The following MYO5B variants were observed in gnomAD, a reference collection of about 807,000 sequenced individuals.
MYO5B encodes unconventional myosin-Vb.
Under a neutral mutation model 229.3 loss-of-function variants are expected in MYO5B, and 143 were observed. That is an observed-to-expected ratio of 0.62 (90% CI 0.54 to 0.72). The LOEUF (loss-of-function observed/expected upper bound fraction) is 0.72. Among genes scored for constraint, MYO5B ranks in the 30% least tolerant of loss-of-function variants. The pLI is 0.00. For missense variants in MYO5B, 2,321 were observed against 2,331.0 expected, an observed-to-expected ratio of 1.00 and a Z score of 0.09; for synonymous variants, 918 against 885.2, an observed-to-expected ratio of 1.04 and a Z score of -0.66.
At chr18:50,074,648 G>A (rs907329929) in intron 1 of MYO5B, among the ~76,000 whole-genome samples, 2 of 152,142 alleles carry the variant, frequency 1.3e-5, no homozygotes, top group Middle Eastern at 3.4e-3. Flanking sequence ...TTGAAACATC[G>A]CCTTCCTTGA....
In MYO5B at chr18:49,830,954, C is replaced by T. The variant is rs1327072365; in HGVS notation, c.5395-4331G>A. ...ACTGGTATACGGACAGACATACAGA[C>T]CAATAGAATATAAGGGCCCAGAAAA... On this transcript the variant is annotated intron_variant, in intron 39 of 39. Transcript: ENST00000285039. Among the ~76,000 whole-genome samples, 8 of 149,172 alleles carry T rather than the reference C, an allele frequency of 5.4e-5. No homozygotes were observed. In the South Asian group the frequency reaches 1.5e-3, roughly 28 times the overall value.
intron 1 of MYO5B, among the ~76,000 whole-genome samples, chr18:50,058,240 T>G (rs1598988221): frequency 1.3e-5 from 2 of 151,774 alleles, no homozygotes; most frequent in Non-Finnish European, 2.9e-5. Context: ...CCGAGGCAGG[T>G]AGATCATTTG....
intron 1 of MYO5B, among the ~76,000 whole-genome samples, chr18:50,104,265 GATATATATATATATAT>G (rs3075606): frequency 6.7e-5 from 9 of 134,570 alleles, no homozygotes; most frequent in African/African-American, 1.4e-4. Context: ...ATCTATACAT[GATATATATATATATAT>G]ATATATATAT....
intron 2 of MYO5B, among the ~76,000 whole-genome samples, chr18:50,043,003 C>A (rs2030067365): frequency 6.6e-6 from 1 of 151,994 alleles, no homozygotes; most frequent in Non-Finnish European, 1.5e-5. Flanking sequence ...ACTAATACAA[C>A]CACTATGGAA....
intron 7 of MYO5B, among the ~76,000 whole-genome samples, chr18:49,986,309 C>T (rs1032360669): frequency 3.9e-5 from 6 of 152,226 alleles, no homozygotes; most frequent in Admixed American, 1.3e-4. Context: ...CCAAGCCATA[C>T]TGAGCTTTGC....
intron 9 of MYO5B, among the ~76,000 whole-genome samples, chr18:49,979,617 G>A (rs1452466674): frequency 6.6e-6 from 1 of 152,230 alleles, no homozygotes; most frequent in African/African-American, 2.4e-5. Flanking sequence ...CCCTCAGGTA[G>A]TGTTGTCTTT....
chr18:49,856,441 G>C (rs532905708), intron 30 of MYO5B, among the ~76,000 whole-genome samples: 29 of 152,336 alleles, frequency 1.9e-4, no homozygotes, highest in Non-Finnish European at 3.7e-4. Flanking sequence ...GGGCCAATAT[G>C]TAGTGTGAAA....
intron 12 of MYO5B, among the ~76,000 whole-genome samples, chr18:49,958,464 T>G (rs2025520716): frequency 6.6e-6 from 1 of 152,220 alleles, no homozygotes. Flanking sequence ...AAATAGAAGC[T>G]GTCAAGCAGG....
chr18:49,859,013 A>C (rs1308215062), intron 29 of MYO5B, among the ~76,000 whole-genome samples: 1 of 152,222 alleles, frequency 6.6e-6, no homozygotes, highest in Non-Finnish European at 1.5e-5. Flanking sequence ...TAAATCTACA[A>C]ATATTTCCAG....
At chr18:49,846,347 A>ACTGATGCTGATG (rs1276094979) in intron 33 of MYO5B, among the ~76,000 whole-genome samples, 1 of 152,142 alleles carries the variant, frequency 6.6e-6, no homozygotes, top group Non-Finnish European at 1.5e-5. Flanking sequence ...CAGGGGTGAT[A>ACTGATGCTGATG]CTGATGCTGA....
intron 1 of MYO5B, among the ~76,000 whole-genome samples, chr18:50,089,535 T>C (rs765100393): frequency 2.0e-5 from 3 of 148,748 alleles, no homozygotes; most frequent in Non-Finnish European, 3.0e-5. Context: ...CCCAAGAGTT[T>C]GAGACCAGCC....
At chr18:49,941,050 A>G (rs1445422959) in intron 14 of MYO5B, among the ~76,000 whole-genome samples, 1 of 152,212 alleles carries the variant, frequency 6.6e-6, no homozygotes, top group Non-Finnish European at 1.5e-5. Context: ...ACAGCACAGG[A>G]GCTAGTCTAA....
intron 27 of MYO5B, among the ~76,000 whole-genome samples, chr18:49,864,980 T>C (rs1038863041): frequency 6.6e-6 from 1 of 152,194 alleles, no homozygotes; most frequent in Non-Finnish European, 1.5e-5. Context: ...GAATGTGCTA[T>C]AGGAACTCAA....
At chr18:50,180,317 C>T (rs2033054945) in intron 1 of MYO5B, among the ~76,000 whole-genome samples, 1 of 152,202 alleles carries the variant, frequency 6.6e-6, no homozygotes, top group African/African-American at 2.4e-5. Flanking sequence ...GCAACTAATA[C>T]AGTTCACACA....
At chr18:49,923,255 G>T (rs2025094462) in intron 17 of MYO5B, among the ~76,000 whole-genome samples, 1 of 152,180 alleles carries the variant, frequency 6.6e-6, no homozygotes, top group Non-Finnish European at 1.5e-5. Context: ...CCTTGCATCT[G>T]GTTATATGTT....
Position 49,962,379 on chromosome 18 carries a change from A to G in MYO5B, c.1432T>C (p.Tyr478His). 6.2e-7 allele frequency: 1 copy of G among 1,614,210 alleles called. No individual in the cohort carries two copies. Among genetic ancestry groups the G allele is most frequent in the Non-Finnish European group, 8.5e-7 (1 of 1,180,022 alleles). ...SHVFKLEQEEYMKEQIPWTLI... is the reference protein window; with the variant it reads ...SHVFKLEQEEHMKEQIPWTLI... ...GTCCAAGGGATCTGTTCCTTCATGT[A>G]TTCTTCTTGCTCCAGTTTGAAAACA... is the stretch of plus-strand genomic sequence containing the variant. The change falls in exon 12 of 40, where the codon TAC (tyrosine) becomes CAC (histidine). Residue 478 changes from tyrosine (Y) to histidine (H), a missense_variant. By Grantham distance (83) the Tyr-to-His change is moderately conservative. This residue lies in a region of MYO5B where 2,113 missense variants were observed against 2,044.7 expected (regional missense o/e 1.03). Transcript: ENST00000285039.
chr18:49,935,470 G>C (rs1406196856), intron 16 of MYO5B, among the ~76,000 whole-genome samples: 1 of 152,178 alleles, frequency 6.6e-6, no homozygotes. Flanking sequence ...TCTCATGGGT[G>C]GATGAGATAA....
At chr18:49,882,487 G>C (rs898539153) in intron 22 of MYO5B, among the ~76,000 whole-genome samples, 1 of 151,798 alleles carries the variant, frequency 6.6e-6, no homozygotes, top group Non-Finnish European at 1.5e-5. Flanking sequence ...AATTAGTTGG[G>C]CGTGGTGGTG....
At chr18:50,189,851 G>A (rs2033203586) in intron 1 of MYO5B, among the ~76,000 whole-genome samples, 2 of 152,130 alleles carry the variant, frequency 1.3e-5, no homozygotes, top group African/African-American at 2.4e-5. Flanking sequence ...GACTGTTAAA[G>A]GACACCTGCC....
Sources: gnomAD v4.1 joint callset for allele counts (sites outside exome capture counted in the v4.1 genomes callset) on GRCh38, gnomAD v4.1.1 for gene constraint, gnomAD v4.1.1 regional missense constraint, MANE v1.5 for transcripts, NCBI Gene and HGNC (gene_info 2026-07-23, HGNC 2026-07-21) for gene names.